RBFOX3: variants seen among roughly 807,000 people sequenced by gnomAD.
RBFOX3 encodes the protein RNA binding protein fox-1 homolog 3.
A neutral mutation model predicts 48.7 loss-of-function variants in RBFOX3; 17 were observed. That is an observed-to-expected ratio of 0.35 (90% CI 0.24 to 0.52). The LOEUF is 0.52. Ranked by LOEUF, RBFOX3 falls within the 20% of genes least tolerant of loss-of-function variation. The pLI is 0.94. For missense variants in RBFOX3, 382 were observed against 497.5 expected, an observed-to-expected ratio of 0.77 and a Z score of 2.21; for synonymous variants, 212 against 209.5, an observed-to-expected ratio of 1.01 and a Z score of -0.10.
At chr17:79,422,622 G>T (rs1345148798) in intron 2 of RBFOX3, among the ~76,000 whole-genome samples, 2 of 152,206 alleles carry the variant, frequency 1.3e-5, no homozygotes, top group East Asian at 3.9e-4. Context: ...GGCCAGGCTG[G>T]GCAGATGCTG....
rs960535448 is a variant in RBFOX3 at position 79,525,742 on chromosome 17, A to G, written c.-319-43144T>C. Among the ~76,000 whole-genome samples the G allele has an allele frequency of 8.2e-3, 1,247 of 152,318 alleles. 4 individuals are homozygous for G. Among genetic ancestry groups the G allele is most frequent in the Middle Eastern group, 0.014 (4 of 294 alleles). On this transcript the variant is annotated intron_variant, in intron 1 of 14. Transcript: ENST00000693108. ...CTAAGCTTGGGTTTTTGTAGAGGAA[A>G]GTTGTTTCCTTGTTTGAGTATATAT...
chr17:79,188,841 G>A (rs2053935701), intron 4 of RBFOX3, among the ~76,000 whole-genome samples: 1 of 152,234 alleles, frequency 6.6e-6, no homozygotes, highest in Admixed American at 6.5e-5. Flanking sequence ...AAGAGGCCTT[G>A]GAAGCTGCGG....
At chr17:79,382,056 AG>A (rs1469902159) in intron 2 of RBFOX3, among the ~76,000 whole-genome samples, 3 of 152,234 alleles carry the variant, frequency 2.0e-5, no homozygotes, top group Non-Finnish European at 4.4e-5. Flanking sequence ...GAAAAGGTCC[AG>A]AAAGACTAAA....
chr17:79,249,055 G>T lies in RBFOX3; in HGVS notation c.-73-13250C>A, dbSNP rs1458133360. 6.6e-6 allele frequency among the ~76,000 whole-genome samples: 1 copy of T among 152,290 alleles called. No individual in the cohort carries two copies. Among genetic ancestry groups the T allele is most frequent in the East Asian group, 1.9e-4 (1 of 5,168 alleles). ...TCCGCCAGCGGGGCCAGAACCCAGAGCGAGGCTGCCTCCCCTGGGTCGGCA... is the reference window on the plus strand; with the variant it reads ...TCCGCCAGCGGGGCCAGAACCCAGATCGAGGCTGCCTCCCCTGGGTCGGCA... On this transcript the variant is annotated intron_variant, in intron 3 of 14. Transcript: ENST00000693108. The surrounding 1 kb of genome is among the most constrained non-coding windows in gnomAD (Gnocchi z 4.1).
intron 1 of RBFOX3, among the ~76,000 whole-genome samples, chr17:79,564,557 C>A (rs955333294): frequency 6.6e-6 from 1 of 152,150 alleles, no homozygotes; most frequent in Non-Finnish European, 1.5e-5. Flanking sequence ...AATTCTACTT[C>A]TAGGAATTGA....
chr17:79,282,968 A>C (rs904529665), intron 3 of RBFOX3, among the ~76,000 whole-genome samples: 3 of 152,210 alleles, frequency 2.0e-5, no homozygotes, highest in African/African-American at 7.2e-5. Context: ...ACTGTATTTT[A>C]GCTCATGTGA....
intron 2 of RBFOX3, among the ~76,000 whole-genome samples, chr17:79,439,444 G>T (rs528327720): frequency 6.6e-6 from 1 of 152,316 alleles, no homozygotes; most frequent in South Asian, 2.1e-4. Flanking sequence ...TCCCCTAAAG[G>T]CTCCATCCAA....
chr17:79,202,937 C>G (rs993582095), intron 4 of RBFOX3, among the ~76,000 whole-genome samples: 1 of 152,168 alleles, frequency 6.6e-6, no homozygotes, highest in African/African-American at 2.4e-5. Context: ...AAGCCCCCAG[C>G]GCCCACAGTG....
chr17:79,631,634 G>C, the RBFOX3 span, among the ~76,000 whole-genome samples: 2 of 152,300 alleles, frequency 1.3e-5, no homozygotes, highest in East Asian at 3.9e-4. Context: ...TCAAGGCACC[G>C]AGGAAGTGTC....
At chr17:79,646,866 C>T in the RBFOX3 span, among the ~76,000 whole-genome samples, 2 of 152,180 alleles carry the variant, frequency 1.3e-5, no homozygotes, top group African/African-American at 2.4e-5. Flanking sequence ...TCTGCCTGAC[C>T]TGCTTTTCCC....
chr17:79,655,249 C>T, the RBFOX3 span, among the ~76,000 whole-genome samples: 1 of 152,142 alleles, frequency 6.6e-6, no homozygotes, highest in Non-Finnish European at 1.5e-5. Context: ...GGGGAAAAAG[C>T]GGGAGACAGG....
intron 5 of RBFOX3, among the ~76,000 whole-genome samples, chr17:79,107,554 G>T (rs565081685): frequency 1.3e-5 from 2 of 152,220 alleles, no homozygotes; most frequent in African/African-American, 4.8e-5. Context: ...GTCTTCTCCA[G>T]TGGACTGGCC....
intron 5 of RBFOX3, among the ~76,000 whole-genome samples, chr17:79,108,685 A>C (rs939342885): frequency 6.6e-6 from 1 of 152,232 alleles, no homozygotes; most frequent in African/African-American, 2.4e-5. Flanking sequence ...CCTTTCTGGA[A>C]GGACAGGCTG....
At chr17:79,412,182 G>A (rs1322709540) in intron 2 of RBFOX3, among the ~76,000 whole-genome samples, 1 of 152,010 alleles carries the variant, frequency 6.6e-6, no homozygotes, top group Non-Finnish European at 1.5e-5. Context: ...ATGCACATAT[G>A]TGTATATGTG....
chr17:79,653,764 G>T, the RBFOX3 span, among the ~76,000 whole-genome samples: 15 of 147,016 alleles, frequency 1.0e-4, no homozygotes, highest in East Asian at 1.2e-3. Flanking sequence ...GCATGTCGTG[G>T]TTTTTTTTTT....
At chr17:79,572,940 T>C (rs1205660363) in intron 1 of RBFOX3, among the ~76,000 whole-genome samples, 1 of 142,710 alleles carries the variant, frequency 7.0e-6, no homozygotes, top group Non-Finnish European at 1.5e-5. Context: ...AAAACACTAA[T>C]TCCAGAGAGA....
At chr17:79,650,074 CAG>C in the RBFOX3 span, among the ~76,000 whole-genome samples, 12 of 152,160 alleles carry the variant, frequency 7.9e-5, no homozygotes, top group Non-Finnish European at 1.6e-4. Context: ...GAGATTTGAG[CAG>C]AGACACAGAT....
chr17:79,551,743 T>C (rs1036162393), intron 1 of RBFOX3, among the ~76,000 whole-genome samples: 1 of 152,160 alleles, frequency 6.6e-6, no homozygotes, highest in African/African-American at 2.4e-5. Context: ...TTTCTCCTCA[T>C]GGTCTTGCTT....
In RBFOX3 at chr17:79,252,021, CT is replaced by C. The variant is rs776379767; in HGVS notation, c.-73-16217del. On this transcript the variant is annotated intron_variant, in intron 3 of 14. Transcript: ENST00000693108. The surrounding 1 kb of genome is among the most constrained non-coding windows in gnomAD (Gnocchi z 4.0). Reference sequence around the variant, plus strand: ...ACCAGGTGGCCTGAGCCAGCCTTGTCTTTCTCCATCTCTCAGCAGGGAATGA... The same window carrying C: ...ACCAGGTGGCCTGAGCCAGCCTTGTCTTCTCCATCTCTCAGCAGGGAATGA... Among the ~76,000 whole-genome samples the C allele has an allele frequency of 7.2e-5, 11 of 152,240 alleles. No individual in the cohort carries two copies. The East Asian group carries it at 1.7e-3, about 24-fold the overall frequency.
Sources: gnomAD v4.1 joint callset for allele counts (sites outside exome capture counted in the v4.1 genomes callset) on GRCh38, gnomAD v4.1.1 for gene constraint, Gnocchi (gnomAD v3.1) non-coding constraint, MANE v1.5 for transcripts, NCBI Gene and HGNC (gene_info 2026-07-23, HGNC 2026-07-21) for gene names.